Variants in BMP4 observed in about 807,000 individuals in gnomAD.
The protein encoded by BMP4 is bone morphogenetic protein 4.
A neutral mutation model predicts 29.6 loss-of-function variants in BMP4; 3 were observed. That is an observed-to-expected ratio of 0.10 (90% CI 0.05 to 0.26). The LOEUF is 0.26. Ranked by LOEUF, BMP4 falls within the 10% of genes least tolerant of loss-of-function variation. The pLI is 1.00. For synonymous variants in BMP4, 197 were observed against 213.2 expected (o/e 0.92, Z 0.66); for missense variants, 455 against 550.2 (o/e 0.83, Z 1.73).
chr14:53,951,999 T>C lies in BMP4; in HGVS notation c.224A>G (p.Lys75Arg), dbSNP rs777501416. The part of the protein sequence containing the change: ...FGLRRRPQPS[K>R]SAVIPDYMRD... Reference sequence around the variant, plus strand: ...CATGTAGTCCGGAATGACGGCACTCTTGCTAGGCTGCGGGCGGCGGCGCAG... The same window carrying C: ...CATGTAGTCCGGAATGACGGCACTCCTGCTAGGCTGCGGGCGGCGGCGCAG... Residue 75 changes from lysine (K) to arginine (R), a missense_variant, in exon 3 of 4, where the codon AAG (lysine) becomes AGG (arginine). Coordinates refer to ENST00000245451, the MANE Select transcript of BMP4 (RefSeq NM_001202.6). 154 of 1,613,714 alleles carry C rather than the reference T, an allele frequency of 9.5e-5. 2 individuals carry two copies. The East Asian group carries it at 3.4e-3, about 35-fold the overall frequency.
At chr14:53,956,509 C>T (rs1895725389) in intron 1 of BMP4, 41 bp downstream of exon 1, 3 of 399,652 alleles carry the variant, frequency 7.5e-6, no homozygotes, top group Non-Finnish European at 1.3e-5. Context: ...GGCTCCTAGA[C>T]CCCCTCTGCC....
Position 53,954,775 on chromosome 14 carries a change from C to T in BMP4, c.-132-1375G>A, listed in dbSNP as rs961657320. Among the ~76,000 whole-genome samples, 1 of 152,094 alleles carries T rather than the reference C, an allele frequency of 6.6e-6. No homozygotes were observed. Among genetic ancestry groups the T allele is most frequent in the African/African-American group, 2.4e-5 (1 of 41,434 alleles). On this transcript the variant is annotated intron_variant, in intron 1 of 3. Coordinates refer to ENST00000245451, the MANE Select transcript of BMP4 (RefSeq NM_001202.6). This position sits in a 1 kb window ranked among gnomAD's most constrained non-coding sequence, Gnocchi z 4.8. ...GGAGCGCCAGGTCGTCCCCGGGGCC[C>T]GGGCCCCATGACTCCTGCCCCAAAG...
chr14:53,951,273 C>T, intron 3 of BMP4: 1 of 276,528 alleles, frequency 3.6e-6, no homozygotes, highest in South Asian at 4.2e-5. Flanking sequence ...GCCAACAGAG[C>T]ACAGGCAGGA....
chr14:53,952,095 C>G lies in BMP4; in HGVS notation c.128G>C (p.Gly43Ala). The G allele has an allele frequency of 6.2e-7, 1 of 1,613,900 alleles. No individual in the cohort carries two copies. The highest frequency in any genetic ancestry group is 8.5e-7 in the Non-Finnish European group (1 of 1,179,784). ...KKVAEIQGHA[G>A]GRRSGQSHEL... ...ATGGCTCTGCCCTGAGCGGCGTCCT[C>G]CCGCGTGGCCCTGAATCTCGGCGAC... Residue 43 changes from glycine to alanine, a missense_variant, in exon 3 of 4, where the codon GGA becomes GCA. By Grantham distance (60) the Gly-to-Ala change is moderately conservative (BLOSUM62 0). Around this residue, in one of 4 missense-constraint regions of BMP4, gnomAD observed 249 missense variants for 284.6 expected, o/e 0.87. Transcript: ENST00000245451.
At chr14:53,956,480 A>G (rs1895723537) in intron 1 of BMP4, 70 bp downstream of exon 1, 3 of 399,284 alleles carry the variant, frequency 7.5e-6, no homozygotes, top group Non-Finnish European at 1.3e-5. Flanking sequence ...GCCTGTGACC[A>G]GCTTCTTCCC....
At position 53,951,872 on chromosome 14, in the gene BMP4, C is replaced by T. The variant is rs967937256; in HGVS notation, c.351G>A (p.Val117=). 4 of 1,599,714 alleles carry T rather than the reference C, an allele frequency of 2.5e-6. No homozygotes were observed. In the African/African-American group the frequency reaches 5.3e-5, roughly 21 times the overall value. Residue 117 remains valine (V), a synonymous_variant, in exon 3 of 4, where the codon GTG becomes GTA. Transcript: ENST00000245451. ...PERPASRANT[V]RSFHHEEHLE... ...ACTGACCTTCGTGGTGGAAGCTCCT[C>T]ACGGTGTTGGCCCGGCTGGCCGGGC...
At position 53,950,871 on chromosome 14, in the gene BMP4, G is replaced by C. The variant is rs1257520804; in HGVS notation, c.388C>G (p.Pro130Ala). The C allele has an allele frequency of 6.2e-7, 1 of 1,603,228 alleles. No homozygotes were observed. Among genetic ancestry groups the C allele is most frequent in the Non-Finnish European group, 8.5e-7 (1 of 1,179,990 alleles). ...FHHEEHLENIPGTSENSAFRF... is the reference protein window; with the variant it reads ...FHHEEHLENIAGTSENSAFRF... ...AAAGCAGAGTTTTCACTGGTCCCTG[G>C]GATGTTCTCCAGATGTTCTAGGCAC... is the stretch of plus-strand genomic sequence containing the variant. The change falls in exon 4 of 4, where the codon CCA becomes GCA. Residue 130 changes from proline to alanine, a missense_variant. Physicochemically the swap from Pro to Ala is conservative, Grantham distance 27. This residue lies in a region of BMP4 where 249 missense variants were observed against 284.6 expected (regional missense o/e 0.87). Transcript: ENST00000245451. This position sits in a 1 kb window ranked among gnomAD's most constrained non-coding sequence, Gnocchi z 5.4.
At chr14:53,953,791 G>A (rs552806432) in intron 1 of BMP4, among the ~76,000 whole-genome samples, 1 of 152,146 alleles carries the variant, frequency 6.6e-6, no homozygotes, top group Admixed American at 6.5e-5. Context: ...TGAAGGGACT[G>A]CGTCTCCCAG....
At position 53,954,812 on chromosome 14, in the gene BMP4, C is replaced by G. The variant is rs868717053; in HGVS notation, c.-132-1412G>C. ...CTCCTGCCCCAAAGCCCACTCCACC[C>G]GACCTCCCTTTCCTGAGGCTGTTCC... On this transcript the variant is annotated intron_variant, in intron 1 of 3. Coordinates refer to ENST00000245451, the MANE Select transcript of BMP4 (RefSeq NM_001202.6). The surrounding 1 kb of genome is among the most constrained non-coding windows in gnomAD (Gnocchi z 4.8). Among the ~76,000 whole-genome samples the G allele has an allele frequency of 3.3e-5, 5 of 152,164 alleles. No homozygotes were observed. The highest frequency in any genetic ancestry group is 3.2e-3 in the Middle Eastern group (1 of 316).
chr14:53,951,676 C>G (rs554321530), intron 3 of BMP4, 177 bp downstream of exon 3: 495 of 1,013,004 alleles, frequency 4.9e-4, no homozygotes, highest in Non-Finnish European at 6.8e-4. Flanking sequence ...CCCCCTCTGT[C>G]TCCAAAAAAT....
At position 53,949,883 on chromosome 14, in the gene BMP4, CTTTTT is replaced by C. The variant is rs1555339771; in HGVS notation, c.*144_*148del. The stretch of plus-strand genomic sequence containing the variant: ...AAGGTGAATGTTTAGGGATTTTTTC[CTTTTT>C]TTTTTTTTTTTTTAAATAAAAGTCC... On this transcript the variant is annotated 3_prime_UTR_variant, in exon 4 of 4. Transcript: ENST00000245451. 5.8e-4 allele frequency: 374 copies of C among 644,316 alleles called. 4 individuals carry two copies. Among genetic ancestry groups the C allele is most frequent in the Non-Finnish European group, 7.7e-4 (328 of 423,650 alleles). 39.9% of individuals were successfully genotyped at this position (644,316 alleles called of 1,614,324 possible). A position where few individuals can be genotyped will look rare whatever the true frequency, so the allele number is the denominator to read the frequency against.
chr14:53,951,971 C>T lies in BMP4; in HGVS notation c.252G>A (p.Arg84=), dbSNP rs781435238. 73 of 1,612,382 alleles carry T rather than the reference C, an allele frequency of 4.5e-5. No individual in the cohort carries two copies. The Middle Eastern group carries it at 4.9e-4, about 11-fold the overall frequency. Residue 84 remains arginine, a synonymous_variant, in exon 3 of 4, where the codon CGG becomes CGA. Transcript: ENST00000245451. ...CCCCAGACTGAAGCCGGTAAAGATC[C>T]CGCATGTAGTCCGGAATGACGGCAC... is the stretch of plus-strand genomic sequence containing the variant. ...SKSAVIPDYM[R]DLYRLQSGEE... is the part of the protein sequence containing the mutation.
At position 53,956,619 on chromosome 14, in the gene BMP4, T is replaced by C; in HGVS notation, c.-202A>G. On this transcript the variant is annotated 5_prime_UTR_variant, in exon 1 of 4. Transcript: ENST00000245451. ...GACCTCTGAACGGTTGCAGTGAACC[T>C]GGGCGAGGGCCGGGGACTGTGGCGC... 2.5e-6 allele frequency: 1 copy of C among 399,282 alleles called. No homozygotes were observed. Among genetic ancestry groups the C allele is most frequent in the Non-Finnish European group, 4.4e-6 (1 of 226,326 alleles). The allele number at this position is 399,282 out of a possible 1,614,324, so 24.7% of individuals were successfully genotyped here.
At chr14:53,953,956 C>T (rs1039700748) in intron 1 of BMP4, among the ~76,000 whole-genome samples, 3 of 151,806 alleles carry the variant, frequency 2.0e-5, no homozygotes, top group Non-Finnish European at 2.9e-5. Context: ...CAAGCAAACA[C>T]GAGCTCCCCG....
rs769514850 is a variant in BMP4 at position 53,950,101 on chromosome 14, C to T, written c.1158G>A (p.Leu386=). The change falls in exon 4 of 4, where the codon CTG becomes CTA. Residue 386 remains leucine, a synonymous_variant. Transcript: ENST00000245451. The surrounding 1 kb of genome is among the most constrained non-coding windows in gnomAD (Gnocchi z 5.4). ...TCAGTACCACCTTATCATACTCATC[C>T]AGGTACAGCATGGAGATGGCACTCA... ...TELSAISMLY[L]DEYDKVVLKN... 3.1e-6 allele frequency: 5 copies of T among 1,614,124 alleles called. No homozygotes were observed. Among genetic ancestry groups the T allele is most frequent in the East Asian group, 2.2e-5 (1 of 44,876 alleles).
rs1895640791 is a variant in BMP4, at chr14:53,954,717, C to T, written c.-132-1317G>A. On this transcript the variant is annotated intron_variant, in intron 1 of 3. Coordinates refer to ENST00000245451, the MANE Select transcript of BMP4 (RefSeq NM_001202.6). This position sits in a 1 kb window ranked among gnomAD's most constrained non-coding sequence, Gnocchi z 4.8. ...CTGCGCAAGGGCCTCTTCGAAAACC[C>T]GACTAGGCGCAACTCAGCGTTCAGC... 6.6e-6 allele frequency among the ~76,000 whole-genome samples: 1 copy of T among 152,124 alleles called. No individual in the cohort carries two copies. Among genetic ancestry groups the T allele is most frequent in the Non-Finnish European group, 1.5e-5 (1 of 68,024 alleles).
chr14:53,953,449 GT>G (rs1191239247), intron 1 of BMP4, 49 bp from the exon 2 acceptor site: 2 of 398,578 alleles, frequency 5.0e-6, no homozygotes, highest in Admixed American at 8.8e-5. Flanking sequence ...GACAGGCTCT[GT>G]TTTTCTTCCA....
Position 53,949,883 on chromosome 14 carries a change from CTTTTTT to C in BMP4, c.*143_*148del, listed in dbSNP as rs1555339771. The C allele has an allele frequency of 1.6e-6, 1 of 643,738 alleles. No individual in the cohort carries two copies. The highest frequency in any genetic ancestry group is 2.4e-6 in the Non-Finnish European group (1 of 423,468). 39.9% of individuals were successfully genotyped at this position (643,738 alleles called of 1,614,324 possible). Reference sequence around the variant, plus strand: ...AAGGTGAATGTTTAGGGATTTTTTCCTTTTTTTTTTTTTTTTTTAAATAAAAGTCCA... The same window carrying C: ...AAGGTGAATGTTTAGGGATTTTTTCCTTTTTTTTTTTTAAATAAAAGTCCA... On this transcript the variant is annotated 3_prime_UTR_variant, in exon 4 of 4. Coordinates refer to ENST00000245451, the MANE Select transcript of BMP4 (RefSeq NM_001202.6).
At position 53,955,534 on chromosome 14, in the gene BMP4, C is replaced by T. The variant is rs1895683560; in HGVS notation, c.-133+1016G>A. The T allele has an allele frequency of 6.6e-6, 1 of 152,276 alleles. No individual in the cohort carries two copies. Among genetic ancestry groups the T allele is most frequent in the Non-Finnish European group, 1.5e-5 (1 of 68,062 alleles). 9.4% of individuals were successfully genotyped at this position (152,276 alleles called of 1,614,324 possible). ...GGGGTGGTTGTCCTTCACTTCCCTA[C>T]TCGAATCTTCTCCTAATGCCGAAAT... On this transcript the variant is annotated intron_variant, in intron 1 of 3. Transcript: ENST00000245451. This position sits in a 1 kb window ranked among gnomAD's most constrained non-coding sequence, Gnocchi z 4.0.
Sources: allele counts gnomAD v4.1 joint callset (sites outside exome capture counted in the v4.1 genomes callset), GRCh38; gene constraint gnomAD v4.1.1; regional missense constraint gnomAD v4.1.1; non-coding constraint Gnocchi (gnomAD v3.1); transcripts MANE v1.5; gene names NCBI Gene and HGNC (gene_info 2026-07-23, HGNC 2026-07-21).